DLG2: variants seen among roughly 807,000 people sequenced by gnomAD.
The protein encoded by DLG2 is discs large MAGUK scaffold protein 2.
A neutral mutation model predicts 132.5 loss-of-function variants in DLG2; 45 were observed. The observed-to-expected ratio is 0.34, with a 90% CI of 0.27 to 0.44. The LOEUF is 0.44. Among genes scored for constraint, DLG2 ranks in the 20% least tolerant of loss-of-function variants. The pLI is 1.00. For missense variants in DLG2, 1,045 were observed against 1,196.9 expected, an observed-to-expected ratio of 0.87 and a Z score of 1.87; for synonymous variants, 424 against 419.6, an observed-to-expected ratio of 1.01 and a Z score of -0.13.
chr11:85,276,296 G>C (rs533287934), intron 4 of DLG2, among the ~76,000 whole-genome samples: 40 of 152,198 alleles, frequency 2.6e-4, no homozygotes, highest in African/African-American at 9.4e-4. Flanking sequence ...TCTGCCTGTT[G>C]AATAAGAAAT....
At chr11:83,568,752 T>G (rs73507124) in intron 19 of DLG2, among the ~76,000 whole-genome samples, 52 of 152,256 alleles carry the variant, frequency 3.4e-4, no homozygotes, top group African/African-American at 1.2e-3. Context: ...TTGAAAAATG[T>G]CCAATAGATA....
At chr11:84,239,575 T>C (rs1487530246) in intron 8 of DLG2, among the ~76,000 whole-genome samples, 4 of 152,172 alleles carry the variant, frequency 2.6e-5, no homozygotes, top group Non-Finnish European at 4.4e-5. Context: ...TAAATACTAA[T>C]TTAGGACTGC....
At chr11:85,135,050 A>G (rs2076054097) in intron 5 of DLG2, among the ~76,000 whole-genome samples, 2 of 152,202 alleles carry the variant, frequency 1.3e-5, no homozygotes, top group Non-Finnish European at 2.9e-5. Context: ...CATCATCACA[A>G]TAATTATTTT....
chr11:84,002,001 C>G (rs1184305975), intron 11 of DLG2, among the ~76,000 whole-genome samples: 1 of 151,980 alleles, frequency 6.6e-6, no homozygotes. Context: ...AAATGCAACT[C>G]AAGCAATTAG....
intron 3 of DLG2, among the ~76,000 whole-genome samples, chr11:85,517,615 T>C (rs1565622512): frequency 6.6e-6 from 1 of 150,610 alleles, no homozygotes; most frequent in Non-Finnish European, 1.5e-5. Flanking sequence ...CTTTCTTCTT[T>C]TTTTTTTTTT....
At chr11:85,546,231 C>T (rs1466867854) in intron 3 of DLG2, among the ~76,000 whole-genome samples, 1 of 152,062 alleles carries the variant, frequency 6.6e-6, no homozygotes, top group Non-Finnish European at 1.5e-5. Flanking sequence ...TTTATTTCTG[C>T]CTTCATTTTG....
chr11:84,555,242 T>C (rs1037762694), intron 6 of DLG2, among the ~76,000 whole-genome samples: 1 of 151,826 alleles, frequency 6.6e-6, no homozygotes, highest in Non-Finnish European at 1.5e-5. Context: ...TGGAGGTTCT[T>C]CAAAAATATG....
chr11:83,986,877 C>A (rs2093357572), intron 11 of DLG2, among the ~76,000 whole-genome samples: 1 of 152,080 alleles, frequency 6.6e-6, no homozygotes, highest in African/African-American at 2.4e-5. Flanking sequence ...AGTGTCTGTT[C>A]ATGTCCTTTG....
chr11:85,010,088 C>G (rs925813283), intron 6 of DLG2, among the ~76,000 whole-genome samples: 1 of 152,056 alleles, frequency 6.6e-6, no homozygotes, highest in African/African-American at 2.4e-5. Flanking sequence ...AAAATTCAAC[C>G]TTTGGAGGAA....
chr11:84,274,287 T>C (rs1314707654), intron 7 of DLG2, among the ~76,000 whole-genome samples: 1 of 152,180 alleles, frequency 6.6e-6, no homozygotes, highest in Non-Finnish European at 1.5e-5. Flanking sequence ...AAGGTGATGC[T>C]CAGAGCACTT....
chr11:85,126,061 C>G (rs1247109855), intron 5 of DLG2, among the ~76,000 whole-genome samples: 1 of 151,732 alleles, frequency 6.6e-6, no homozygotes, highest in Non-Finnish European at 1.5e-5. Flanking sequence ...GGTGGATGGT[C>G]ATCTAGAAAA....
chr11:83,682,037 G>T (rs1267346108), intron 18 of DLG2: 4 of 675,830 alleles, frequency 5.9e-6, no homozygotes, highest in Non-Finnish European at 7.3e-6. Context: ...GGAAATTGTG[G>T]AATTTGTCAG....
chr11:84,821,024 A>T (rs868576449), intron 6 of DLG2, among the ~76,000 whole-genome samples: 1 of 152,084 alleles, frequency 6.6e-6, no homozygotes, highest in African/African-American at 2.4e-5. Flanking sequence ...AGATTATAAT[A>T]GAATGAATGA....
intron 6 of DLG2, among the ~76,000 whole-genome samples, chr11:84,810,487 T>C (rs1004692122): frequency 3.3e-5 from 5 of 152,102 alleles, no homozygotes; most frequent in Non-Finnish European, 7.4e-5. Context: ...ATGACAGCAA[T>C]TGCTATTTAG....
At chr11:83,785,891 G>A (rs748532759) in intron 18 of DLG2, among the ~76,000 whole-genome samples, 2 of 152,136 alleles carry the variant, frequency 1.3e-5, no homozygotes, top group African/African-American at 2.4e-5. Context: ...AAAGCAATGC[G>A]CTTCATTTCT....
At chr11:84,944,648 A>T (rs1342576981) in intron 6 of DLG2, among the ~76,000 whole-genome samples, 4 of 136,336 alleles carry the variant, frequency 2.9e-5, no homozygotes, top group African/African-American at 1.1e-4. Flanking sequence ...TCTGTTGTCC[A>T]GGCTGGAGTG....
At chr11:84,983,477 A>G (rs903530031) in intron 6 of DLG2, among the ~76,000 whole-genome samples, 1 of 151,770 alleles carries the variant, frequency 6.6e-6, no homozygotes, top group Non-Finnish European at 1.5e-5. Context: ...CTCATGGGAG[A>G]AAAAAAAATC....
intron 7 of DLG2, among the ~76,000 whole-genome samples, chr11:84,307,716 A>T (rs1009362539): frequency 3.5e-4 from 52 of 148,984 alleles, no homozygotes; most frequent in African/African-American, 1.2e-3. Flanking sequence ...AAAAAAAAAA[A>T]GAAGCCGCGG....
At chr11:84,917,722 T>A (rs2092554106) in intron 6 of DLG2, among the ~76,000 whole-genome samples, 1 of 152,234 alleles carries the variant, frequency 6.6e-6, no homozygotes, top group South Asian at 2.1e-4. Context: ...CCTTGTTTAA[T>A]TTTTTAAGTT....
Sources: allele counts gnomAD v4.1 joint callset (sites outside exome capture counted in the v4.1 genomes callset), GRCh38; gene constraint gnomAD v4.1.1; transcripts MANE v1.5; gene names NCBI Gene and HGNC (gene_info 2026-07-23, HGNC 2026-07-21).